The following UTRN variants were observed in gnomAD, a reference collection of about 807,000 sequenced individuals.
UTRN encodes utrophin.
In UTRN, 283 loss-of-function variants were observed where a neutral mutation model predicts 463.9. That is an observed-to-expected ratio of 0.61 (90% CI 0.55 to 0.67). UTRN has a LOEUF of 0.67. UTRN is among the 30% of genes least tolerant of loss of function. UTRN has a pLI of 0.00. For missense variants in UTRN, 3,922 were observed against 4,084.3 expected, an observed-to-expected ratio of 0.96 and a Z score of 1.08; for synonymous variants, 1,442 against 1,431.5, an observed-to-expected ratio of 1.01 and a Z score of -0.17.
chr6:144,647,082 C>A (rs543662445), intron 51 of UTRN, among the ~76,000 whole-genome samples: 93 of 152,246 alleles, frequency 6.1e-4, no homozygotes, highest in African/African-American at 2.0e-3. Flanking sequence ...ACAAAAAACA[C>A]ACTCTGGAAA....
At chr6:144,769,841 A>G (rs1252621149) in intron 58 of UTRN, among the ~76,000 whole-genome samples, 1 of 152,160 alleles carries the variant, frequency 6.6e-6, no homozygotes, top group Non-Finnish European at 1.5e-5. Flanking sequence ...GGAGCCCATG[A>G]TGCCTTACTG....
intron 2 of UTRN, among the ~76,000 whole-genome samples, chr6:144,301,211 T>C (rs7750916): frequency 0.16 from 24,219 of 152,224 alleles, 3,393 homozygotes; most frequent in African/African-American, 0.38. Context: ...AGTTCTATAA[T>C]GTTAACATAT....
At chr6:144,497,099 C>T (rs1793724434) in intron 33 of UTRN, among the ~76,000 whole-genome samples, 1 of 152,136 alleles carries the variant, frequency 6.6e-6, no homozygotes, top group South Asian at 2.1e-4. Context: ...ATTACATACT[C>T]AGATATGTCT....
chr6:144,387,717 G>A (rs773493259), intron 2 of UTRN, among the ~76,000 whole-genome samples: 8 of 152,174 alleles, frequency 5.3e-5, no homozygotes, highest in Non-Finnish European at 1.0e-4. Context: ...TTAGAAATAT[G>A]TGGGCTTTAT....
At chr6:144,498,713 G>C (rs1195562334) in intron 33 of UTRN, among the ~76,000 whole-genome samples, 1 of 151,520 alleles carries the variant, frequency 6.6e-6, no homozygotes, top group African/African-American at 2.4e-5. Context: ...GGAGTGCAGT[G>C]GCAGGATCAC....
chr6:144,304,335 C>A (rs893220134), intron 2 of UTRN, among the ~76,000 whole-genome samples: 1 of 152,108 alleles, frequency 6.6e-6, no homozygotes, highest in Non-Finnish European at 1.5e-5. Context: ...GAGACTTTTG[C>A]ATAGTACTTT....
chr6:144,781,552 AAT>A (rs1775831248), intron 60 of UTRN, among the ~76,000 whole-genome samples: 1 of 152,288 alleles, frequency 6.6e-6, no homozygotes, highest in African/African-American at 2.4e-5. Flanking sequence ...AGAGCAGTGT[AAT>A]ATTTGAGATG....
chr6:144,836,340 C>T lies in UTRN; in HGVS notation c.9864C>T (p.His3288=), dbSNP rs1011258920. The T allele has an allele frequency of 6.2e-7, 1 of 1,614,136 alleles. No homozygotes were observed. Among genetic ancestry groups the T allele is most frequent in the South Asian group, 1.1e-5 (1 of 91,082 alleles). ...AGTATGAGCAGCTGAAGGACCAGCACCTCCGAAGGGGGCTCCCTGTCGGTT... is the reference window on the plus strand; with the variant it reads ...AGTATGAGCAGCTGAAGGACCAGCATCTCCGAAGGGGGCTCCCTGTCGGTT... ...QVEYEQLKDQ[H]LRRGLPVGSP... Residue 3288 remains histidine, a synonymous_variant, in exon 71 of 75, where the codon CAC becomes CAT. Transcript: ENST00000367545.
intron 2 of UTRN, among the ~76,000 whole-genome samples, chr6:144,338,802 C>T (rs540441048): frequency 1.3e-4 from 20 of 152,276 alleles, no homozygotes; most frequent in African/African-American, 4.6e-4. Flanking sequence ...TCTGTAGCTA[C>T]ACTATTGAAG....
At chr6:144,425,360 G>A (rs1785204710) in intron 6 of UTRN, among the ~76,000 whole-genome samples, 1 of 152,020 alleles carries the variant, frequency 6.6e-6, no homozygotes, top group Non-Finnish European at 1.5e-5. Flanking sequence ...TGGCTAAGGT[G>A]GTATTTACCA....
chr6:144,822,362 G>A (rs1779676451), intron 66 of UTRN, among the ~76,000 whole-genome samples: 1 of 152,014 alleles, frequency 6.6e-6, no homozygotes, highest in African/African-American at 2.4e-5. Flanking sequence ...TGTGTAAACA[G>A]AAAGAAATAC....
intron 2 of UTRN, among the ~76,000 whole-genome samples, chr6:144,299,208 G>A (rs1346588375): frequency 6.6e-6 from 1 of 152,196 alleles, no homozygotes; most frequent in Non-Finnish European, 1.5e-5. Flanking sequence ...TCCAGACTCA[G>A]ATATGTGGGG....
chr6:144,580,379 A>G (rs6906465), intron 51 of UTRN, among the ~76,000 whole-genome samples: 59,032 of 152,054 alleles, frequency 0.39, 14,148 homozygotes, highest in African/African-American at 0.66. Flanking sequence ...TATGACAACC[A>G]GATCCAAGGC....
chr6:144,328,536 CTTTA>C (rs1376709179), intron 2 of UTRN, among the ~76,000 whole-genome samples: 5 of 151,548 alleles, frequency 3.3e-5, no homozygotes, highest in Admixed American at 6.6e-5. Flanking sequence ...AAATAAATAT[CTTTA>C]TTTGTTTTAA....
intron 72 of UTRN, among the ~76,000 whole-genome samples, chr6:144,840,192 A>G (rs1781445039): frequency 6.6e-6 from 1 of 151,900 alleles, no homozygotes; most frequent in African/African-American, 2.4e-5. Flanking sequence ...CAAAAAATAT[A>G]TATATTAAAA....
At chr6:144,686,660 T>C (rs1782792951) in intron 52 of UTRN, among the ~76,000 whole-genome samples, 1 of 152,198 alleles carries the variant, frequency 6.6e-6, no homozygotes, top group African/African-American at 2.4e-5. Flanking sequence ...TTTGTCTTTT[T>C]TTTTAACTGT....
intron 74 of UTRN, among the ~76,000 whole-genome samples, chr6:144,849,211 A>G (rs1161748573): frequency 1.3e-5 from 2 of 152,128 alleles, no homozygotes; most frequent in African/African-American, 4.8e-5. Flanking sequence ...AAAAAGGGGT[A>G]TGCAGATCTC....
intron 53 of UTRN, among the ~76,000 whole-genome samples, chr6:144,723,349 T>G (rs965285309): frequency 1.3e-5 from 2 of 152,220 alleles, no homozygotes; most frequent in East Asian, 3.8e-4. Flanking sequence ...GACTTTGTTA[T>G]ATCTTGCTCT....
rs34428268 is a variant in UTRN at position 144,713,443 on chromosome 6, T to TA, written c.7809+13212dup. Among the ~76,000 whole-genome samples the TA allele has an allele frequency of 4.0e-3, 578 of 143,476 alleles. 3 individuals carry two copies. The highest frequency in any genetic ancestry group is 5.4e-3 in the Non-Finnish European group (351 of 65,030). The allele number at this position is 143,476 out of a possible 152,430, so 94.1% of individuals were successfully genotyped here. Reference sequence around the variant, plus strand: ...CAACATGGTGAAACCCCATCTCTACTAAAAAAAAAAAATCAAAAAAATCAG... The same window carrying TA: ...CAACATGGTGAAACCCCATCTCTACTAAAAAAAAAAAAATCAAAAAAATCAG... On this transcript the variant is annotated intron_variant, in intron 53 of 74. Transcript: ENST00000367545.
Sources: gnomAD v4.1 joint callset for allele counts (sites outside exome capture counted in the v4.1 genomes callset) on GRCh38, gnomAD v4.1.1 for gene constraint, MANE v1.5 for transcripts, NCBI Gene and HGNC (gene_info 2026-07-23, HGNC 2026-07-21) for gene names.